MTFR1: variants seen among roughly 807,000 people sequenced by gnomAD.
The protein encoded by MTFR1 is mitochondrial fission regulator 1, also known as chondrocyte protein with a poly-proline region.
MTFR1 carries 28 observed loss-of-function variants against 38.8 expected under a neutral mutation model. That is an observed-to-expected ratio of 0.72 (90% CI 0.53 to 0.99). The LOEUF (loss-of-function observed/expected upper bound fraction) is 0.99. MTFR1 is among the 50% of genes least tolerant of loss of function. The pLI is 0.00. For missense variants in MTFR1, 358 were observed against 395.5 expected, an observed-to-expected ratio of 0.91 and a Z score of 0.81; for synonymous variants, 145 against 137.0, an observed-to-expected ratio of 1.06 and a Z score of -0.41.
intron 3 of MTFR1, among the ~76,000 whole-genome samples, chr8:65,750,304 T>C (rs1563486868): frequency 6.6e-6 from 1 of 152,208 alleles, no homozygotes; most frequent in Non-Finnish European, 1.5e-5. Context: ...GTATTTATTA[T>C]GAAAAAATAA....
rs1198584396 is a variant in MTFR1 at position 65,729,182 on chromosome 8, T to C, written c.*48+9701T>C. 2.0e-5 allele frequency among the ~76,000 whole-genome samples: 3 copies of C among 152,148 alleles called. 1 individual carries two copies. Among genetic ancestry groups the C allele is most frequent in the African/African-American group, 4.8e-5 (2 of 41,440 alleles). ...AAGAAACTACAGATTATTTAACATA[T>C]GTGAAGGTCAGCTTTTACTTGTATC... On this transcript the variant is annotated intron_variant, in intron 3 of 3. Transcript: ENST00000521247.
chr8:65,776,428 A>G, the MTFR1 span, among the ~76,000 whole-genome samples: 2 of 152,138 alleles, frequency 1.3e-5, no homozygotes, highest in Non-Finnish European at 2.9e-5. Context: ...TGTCTTGGCT[A>G]TTCTTGGAGC....
intron 1 of MTFR1, among the ~76,000 whole-genome samples, chr8:65,667,597 T>A (rs1218750717): frequency 6.6e-6 from 1 of 151,998 alleles, no homozygotes; most frequent in African/African-American, 2.4e-5. Context: ...CCAGCTAATT[T>A]TTGTATTTTT....
chr8:65,700,427 A>C (rs1218509168), intron 4 of MTFR1, among the ~76,000 whole-genome samples: 1 of 151,802 alleles, frequency 6.6e-6, no homozygotes, highest in Non-Finnish European at 1.5e-5. Flanking sequence ...TTCTACTTTG[A>C]GAAGAGAATT....
intron 3 of MTFR1, among the ~76,000 whole-genome samples, chr8:65,691,024 TATG>T (rs1208405950): frequency 6.6e-6 from 1 of 152,196 alleles, no homozygotes; most frequent in Admixed American, 6.5e-5. Context: ...TGAGATCAAA[TATG>T]ATACCCAGTT....
chr8:65,771,633 TG>T (rs1207343733), downstream of MTFR1, among the ~76,000 whole-genome samples: 1 of 151,950 alleles, frequency 6.6e-6, no homozygotes, highest in Non-Finnish European at 1.5e-5. Flanking sequence ...CCCAGCACTT[TG>T]GGAGGCCAGG....
At chr8:65,677,785 A>G (rs529936182) in intron 2 of MTFR1, among the ~76,000 whole-genome samples, 1 of 151,474 alleles carries the variant, frequency 6.6e-6, no homozygotes, top group East Asian at 2.0e-4. Flanking sequence ...TGGGAGGCTG[A>G]GGTGGGTGGA....
intron 3 of MTFR1, among the ~76,000 whole-genome samples, chr8:65,729,740 T>G (rs1806765682): frequency 6.6e-6 from 1 of 151,532 alleles, no homozygotes; most frequent in Admixed American, 6.6e-5. Flanking sequence ...TTTTTTTTTT[T>G]GGTACTTTTA....
At chr8:65,702,297 C>CTTTTTTTTTTTTTTTTTTTTTTTTTT (rs530863447) in intron 4 of MTFR1, among the ~76,000 whole-genome samples, 1 of 110,272 alleles carries the variant, frequency 9.1e-6, no homozygotes, top group Non-Finnish European at 1.9e-5. Context: ...TTCTTTCTTT[C>CTTTTTTTTTTTTTTTTTTTTTTTTTT]TTTTTTTTTT....
chr8:65,774,498 CAT>C (rs1243305983), downstream of MTFR1, among the ~76,000 whole-genome samples: 2 of 152,050 alleles, frequency 1.3e-5, no homozygotes, highest in Admixed American at 1.3e-4. Flanking sequence ...CTTTCTCTAA[CAT>C]ATTGGTTCTC....
intron 2 of MTFR1, among the ~76,000 whole-genome samples, chr8:65,672,554 AGGCTGGAGTACAGT>A (rs748941495): frequency 6.6e-6 from 1 of 151,974 alleles, no homozygotes; most frequent in Non-Finnish European, 1.5e-5. Flanking sequence ...TCTGTTGCCC[AGGCTGGAGTACAGT>A]GGCGCAGTCT....
chr8:65,741,420 T>G (rs1305577115), intron 3 of MTFR1, among the ~76,000 whole-genome samples: 4 of 152,246 alleles, frequency 2.6e-5, no homozygotes, highest in Admixed American at 6.5e-5. Flanking sequence ...CCTTGTTATC[T>G]AAAACTGCCT....
intron 3 of MTFR1, among the ~76,000 whole-genome samples, chr8:65,689,847 G>T (rs2129055459): frequency 6.6e-6 from 1 of 152,264 alleles, no homozygotes; most frequent in South Asian, 2.1e-4. Context: ...TTTGTCTTTT[G>T]AATGAGTTTG....
rs117660283 is a variant in MTFR1 at position 65,667,201 on chromosome 8, G to A, written c.-80-2672G>A. 8.2e-4 allele frequency among the ~76,000 whole-genome samples: 125 copies of A among 151,710 alleles called. 2 individuals carry two copies. The East Asian group carries it at 0.021, about 26-fold the overall frequency. ...TGAGGCAGGAGAAGTGCTTGAACCC[G>A]TGAGGCAAAGGTTGCAGTGAGCCAA... On this transcript the variant is annotated intron_variant, in intron 1 of 7. Coordinates refer to ENST00000262146, the MANE Select transcript of MTFR1 (RefSeq NM_014637.4).
intron 3 of MTFR1, among the ~76,000 whole-genome samples, chr8:65,748,269 A>G (rs779208867): frequency 4.6e-5 from 7 of 152,200 alleles, no homozygotes; most frequent in African/African-American, 1.2e-4. Flanking sequence ...TTCATATCCC[A>G]ATGAGGTATC....
intron 3 of MTFR1, among the ~76,000 whole-genome samples, chr8:65,757,205 G>C (rs1358353283): frequency 1.3e-5 from 2 of 152,210 alleles, no homozygotes; most frequent in African/African-American, 4.8e-5. Flanking sequence ...CTTGGGGCAG[G>C]TGAAAGGAGG....
At chr8:65,692,312 C>G (rs1663382964) in intron 3 of MTFR1, among the ~76,000 whole-genome samples, 1 of 151,770 alleles carries the variant, frequency 6.6e-6, no homozygotes, top group Non-Finnish European at 1.5e-5. Flanking sequence ...TTTTGTTTTT[C>G]AAGATAAATT....
In MTFR1 at chr8:65,708,956, T is replaced by C; in HGVS notation, c.934-20T>C. Reference sequence around the variant, plus strand: ...TTACTTGAACCAATATCTTTATTTATACTTTTTGTTTGTTTCTAGTTTGGG... The same window carrying C: ...TTACTTGAACCAATATCTTTATTTACACTTTTTGTTTGTTTCTAGTTTGGG... On this transcript the variant is annotated intron_variant, in intron 7 of 7. Transcript: ENST00000262146. 6.2e-7 allele frequency: 1 copy of C among 1,611,842 alleles called. No homozygotes were observed. Among genetic ancestry groups the C allele is most frequent in the South Asian group, 1.1e-5 (1 of 91,032 alleles).
At chr8:65,722,189 C>T (rs1806409849) in intron 3 of MTFR1, 1 of 152,152 alleles carries the variant, frequency 6.6e-6, no homozygotes, top group Admixed American at 6.6e-5. Context: ...TACTATCCTC[C>T]CAAAAGAAAA....
Sources: allele counts gnomAD v4.1 joint callset (sites outside exome capture counted in the v4.1 genomes callset), GRCh38; gene constraint gnomAD v4.1.1; transcripts MANE v1.5; gene names NCBI Gene and HGNC (gene_info 2026-07-23, HGNC 2026-07-21).